Variants in RBFOX3 observed in about 807,000 individuals in gnomAD.
RBFOX3 encodes the protein RNA binding fox-1 homolog 3, also known as RNA binding protein fox-1 homolog 3.
A neutral mutation model predicts 48.7 loss-of-function variants in RBFOX3; 17 were observed. The ratio of observed to expected loss-of-function variants is 0.35; its 90% CI spans 0.24 to 0.52. The LOEUF (loss-of-function observed/expected upper bound fraction) is 0.52, where lower values mean the gene tolerates loss of function less well. Among genes scored for constraint, RBFOX3 ranks in the 20% least tolerant of loss-of-function variants. The pLI is 0.94. For missense variants in RBFOX3, 382 were observed against 497.5 expected, an observed-to-expected ratio of 0.77 and a Z score of 2.21; for synonymous variants, 212 against 209.5, an observed-to-expected ratio of 1.01 and a Z score of -0.10.
chr17:79,550,447 A>G (rs1378254463), intron 1 of RBFOX3, among the ~76,000 whole-genome samples: 2 of 39,238 alleles, frequency 5.1e-5, no homozygotes, highest in African/African-American at 1.0e-4. Context: ...ATGGTAAGGA[A>G]GTACATCACA....
chr17:79,181,003 G>A (rs2051792017), intron 4 of RBFOX3, among the ~76,000 whole-genome samples: 1 of 152,176 alleles, frequency 6.6e-6, no homozygotes, highest in Non-Finnish European at 1.5e-5. Flanking sequence ...TGTCTTCCCC[G>A]TGGGTCATGT....
Position 79,414,488 on chromosome 17 carries a change from C to T in RBFOX3, c.-175+67966G>A, listed in dbSNP as rs76065490. On this transcript the variant is annotated intron_variant, in intron 2 of 14. Transcript: ENST00000693108. ...ATGCAAATGCGGCGGGACGGTGCCC[C>T]GTGTGTCCAGGCCCCAGGGCGAAAG... is the stretch of plus-strand genomic sequence containing the variant. Among the ~76,000 whole-genome samples, 218 of 152,320 alleles carry T rather than the reference C, an allele frequency of 1.4e-3. 1 individual carries two copies. Among genetic ancestry groups the T allele is most frequent in the African/African-American group, 4.5e-3 (189 of 41,568 alleles).
chr17:79,405,082 C>T (rs1468528599), intron 2 of RBFOX3, among the ~76,000 whole-genome samples: 1 of 152,170 alleles, frequency 6.6e-6, no homozygotes, highest in African/African-American at 2.4e-5. Flanking sequence ...CCAGGTCTCT[C>T]CAAAAATAGC....
At chr17:79,517,461 A>C (rs2085419115) in intron 1 of RBFOX3, among the ~76,000 whole-genome samples, 2 of 149,926 alleles carry the variant, frequency 1.3e-5, no homozygotes, top group South Asian at 2.1e-4. Context: ...AAAAAAAAAA[A>C]CAAACAAAAA....
At chr17:79,587,549 C>G (rs921595082) in intron 1 of RBFOX3, among the ~76,000 whole-genome samples, 2,713 of 152,302 alleles carry the variant, frequency 0.018, 114 homozygotes, top group East Asian at 0.14. Context: ...CAGGGAACAC[C>G]GGCATCGTCT....
intron 3 of RBFOX3, among the ~76,000 whole-genome samples, chr17:79,253,607 G>A (rs2064321923): frequency 6.6e-6 from 1 of 152,202 alleles, no homozygotes; most frequent in Non-Finnish European, 1.5e-5. Context: ...GCCCTGAGTT[G>A]CTGCTTCCAG....
chr17:79,583,478 T>C (rs906250640), intron 1 of RBFOX3, among the ~76,000 whole-genome samples: 1 of 151,728 alleles, frequency 6.6e-6, no homozygotes, highest in Non-Finnish European at 1.5e-5. Flanking sequence ...CATGTGGGGG[T>C]ATAAGAACAG....
intron 1 of RBFOX3, among the ~76,000 whole-genome samples, chr17:79,591,874 C>T (rs12939803): frequency 4.2e-4 from 43 of 101,880 alleles, no homozygotes; most frequent in African/African-American, 1.6e-3. Flanking sequence ...TGTGTGGAGG[C>T]ATGTGCACGT....
chr17:79,142,356 TATGATTGAG>T (rs1484972440), intron 4 of RBFOX3, among the ~76,000 whole-genome samples: 1 of 152,146 alleles, frequency 6.6e-6, no homozygotes, highest in African/African-American at 2.4e-5. Context: ...CATGGTTCAT[TATGATTGAG>T]ATTAAACTGA....
At chr17:79,590,683 A>C (rs2093390631) in intron 1 of RBFOX3, among the ~76,000 whole-genome samples, 2 of 152,176 alleles carry the variant, frequency 1.3e-5, no homozygotes, top group African/African-American at 4.8e-5. Context: ...GCCACCTGGC[A>C]CCGAAAGTGG....
intron 2 of RBFOX3, among the ~76,000 whole-genome samples, chr17:79,460,190 C>G (rs1411773791): frequency 6.6e-6 from 1 of 152,122 alleles, no homozygotes; most frequent in Admixed American, 6.5e-5. Flanking sequence ...GATGGTTGCA[C>G]AATATTCTCA....
At chr17:79,192,669 T>C (rs933180022) in intron 4 of RBFOX3, among the ~76,000 whole-genome samples, 1 of 151,860 alleles carries the variant, frequency 6.6e-6, no homozygotes, top group African/African-American at 2.4e-5. Flanking sequence ...GGCACGAGAG[T>C]GAGACCGTCA....
chr17:79,334,245 C>T (rs772371795), intron 2 of RBFOX3, among the ~76,000 whole-genome samples: 3 of 152,152 alleles, frequency 2.0e-5, no homozygotes, highest in Non-Finnish European at 4.4e-5. Flanking sequence ...ACACTTTCAC[C>T]CAGAGATGTG....
chr17:79,178,600 C>T (rs1235471947), intron 4 of RBFOX3, among the ~76,000 whole-genome samples: 2 of 152,140 alleles, frequency 1.3e-5, no homozygotes, highest in Non-Finnish European at 2.9e-5. Flanking sequence ...ATGTCCACAC[C>T]CTCAGCAGAT....
At chr17:79,405,256 G>A (rs113057214) in intron 2 of RBFOX3, among the ~76,000 whole-genome samples, 1,701 of 152,228 alleles carry the variant, frequency 0.011, 16 homozygotes, top group Middle Eastern at 0.044. Context: ...TCCACACGCT[G>A]CATCACACAT....
chr17:79,515,495 G>A (rs1017184609), intron 1 of RBFOX3, among the ~76,000 whole-genome samples: 3 of 152,312 alleles, frequency 2.0e-5, no homozygotes, highest in East Asian at 1.9e-4. Flanking sequence ...CAAGAGAACC[G>A]CAATCGGAGA....
At chr17:79,115,468 G>T in intron 5 of RBFOX3, 26 bp downstream of exon 5, 3 of 1,287,852 alleles carry the variant, frequency 2.3e-6, no homozygotes, top group East Asian at 3.1e-5. Flanking sequence ...CTCCAGGGCT[G>T]GGCCTGGGGT....
intron 1 of RBFOX3, among the ~76,000 whole-genome samples, chr17:79,529,043 C>T (rs1218407937): frequency 2.0e-5 from 3 of 152,184 alleles, no homozygotes; most frequent in Non-Finnish European, 4.4e-5. Flanking sequence ...GAGGTGGGGA[C>T]ATGGAAACAC....
chr17:79,332,319 G>A (rs1740979201), intron 2 of RBFOX3, among the ~76,000 whole-genome samples: 1 of 149,916 alleles, frequency 6.7e-6, no homozygotes, highest in Non-Finnish European at 1.5e-5. Flanking sequence ...GCTGAGCGAA[G>A]CAGGGATCAG....
Sources: allele counts gnomAD v4.1 joint callset (sites outside exome capture counted in the v4.1 genomes callset), GRCh38; gene constraint gnomAD v4.1.1; transcripts MANE v1.5; gene names NCBI Gene and HGNC (gene_info 2026-07-23, HGNC 2026-07-21).